OR56A3: variants seen among roughly 807,000 people sequenced by gnomAD.
The protein encoded by OR56A3 is olfactory receptor family 56 subfamily A member 3.
In OR56A3, 23 loss-of-function variants were observed where a neutral mutation model predicts 17.5. That is an observed-to-expected ratio of 1.32 (90% CI 0.95 to 1.87). The LOEUF (loss-of-function observed/expected upper bound fraction) is 1.87, where lower values mean the gene tolerates loss of function less well. OR56A3 is among the 40% of genes most tolerant of loss of function. The pLI, the probability that OR56A3 is intolerant of heterozygous loss-of-function variation, is 0.00. For missense variants in OR56A3, 366 were observed against 380.1 expected, an observed-to-expected ratio of 0.96 and a Z score of 0.31; for synonymous variants, 175 against 150.6, an observed-to-expected ratio of 1.16 and a Z score of -1.19.
the OR56A3 span, chr11:6,021,772 A>C: frequency 6.6e-6 from 1 of 152,158 alleles, no homozygotes; most frequent in Non-Finnish European, 1.5e-5. Context: ...GAAAACAATG[A>C]TCAGGAGAGT....
At chr11:6,017,589 C>T in the OR56A3 span, among the ~76,000 whole-genome samples, 1 of 152,098 alleles carries the variant, frequency 6.6e-6, no homozygotes, top group Non-Finnish European at 1.5e-5. Context: ...CTAGGTCCCA[C>T]CTCCAACACT....
the OR56A3 span, among the ~76,000 whole-genome samples, chr11:5,971,047 G>A: frequency 4.6e-5 from 7 of 152,222 alleles, no homozygotes; most frequent in Non-Finnish European, 5.9e-5. Context: ...ATAGCTGAAT[G>A]AGCTGTGGGC....
At chr11:5,978,817 G>A in the OR56A3 span, among the ~76,000 whole-genome samples, 2 of 152,134 alleles carry the variant, frequency 1.3e-5, no homozygotes, top group Non-Finnish European at 2.9e-5. Context: ...AGTGCTTCCA[G>A]CTTTTGCTCA....
At chr11:5,957,236 G>C in the OR56A3 span, among the ~76,000 whole-genome samples, 2 of 152,144 alleles carry the variant, frequency 1.3e-5, no homozygotes, top group African/African-American at 4.8e-5. Context: ...TTATGCACTG[G>C]AGTGTTTAAC....
At chr11:5,994,655 G>A in the OR56A3 span, 2 of 784,056 alleles carry the variant, frequency 2.6e-6, no homozygotes, top group Admixed American at 3.4e-5. Context: ...GGCCAGTTCT[G>A]TCTCATACTT....
chr11:5,998,818 A>G, the OR56A3 span, among the ~76,000 whole-genome samples: 1 of 152,234 alleles, frequency 6.6e-6, no homozygotes, highest in African/African-American at 2.4e-5. Flanking sequence ...GTCATGAATT[A>G]CGAAGATAAT....
the OR56A3 span, chr11:6,002,486 G>A: frequency 1.9e-6 from 3 of 1,614,118 alleles, no homozygotes; most frequent in Admixed American, 3.3e-5. Context: ...CACAGTATCT[G>A]AGCCTGGCAG....
At chr11:5,986,784 CA>C in the OR56A3 span, 8 of 1,613,998 alleles carry the variant, frequency 5.0e-6, no homozygotes, top group Non-Finnish European at 6.8e-6. Flanking sequence ...AAAGGATGCC[CA>C]GGGGCAGTGC....
chr11:5,990,764 G>C, the OR56A3 span, among the ~76,000 whole-genome samples: 1 of 152,176 alleles, frequency 6.6e-6, no homozygotes, highest in Non-Finnish European at 1.5e-5. Context: ...GGATAATAAA[G>C]TAAGCCTGGC....
Position 5,948,405 on chromosome 11 carries a change from T to A in OR56A3, c.*111T>A. The A allele has an allele frequency of 1.5e-6, 1 of 688,258 alleles. No individual in the cohort carries two copies. Among genetic ancestry groups the A allele is most frequent in the Non-Finnish European group, 2.5e-6 (1 of 405,794 alleles). 42.6% of individuals were successfully genotyped at this position (688,258 alleles called of 1,614,324 possible). A position where few individuals can be genotyped will look rare whatever the true frequency, so the allele number is the denominator to read the frequency against. On this transcript the variant is annotated 3_prime_UTR_variant, in exon 3 of 3. Coordinates refer to ENST00000641160, the MANE Select transcript of OR56A3 (RefSeq NM_001003443.3). ...ACTTATAACCTCAAACTGGGTACAC[T>A]AGATATTGTGTGTGCTTTTCAAAAA... is the stretch of plus-strand genomic sequence containing the variant.
At chr11:5,978,632 T>C in the OR56A3 span, among the ~76,000 whole-genome samples, 2 of 152,112 alleles carry the variant, frequency 1.3e-5, no homozygotes, top group African/African-American at 4.8e-5. Flanking sequence ...GTATGGGGTT[T>C]TCTGGATATA....
chr11:5,952,182 TG>T (rs1216744701), downstream of OR56A3, among the ~76,000 whole-genome samples: 10 of 152,102 alleles, frequency 6.6e-5, no homozygotes, highest in Admixed American at 3.9e-4. Context: ...CAGTAAAAAA[TG>T]TCAACAATTT....
chr11:6,002,857 T>G, the OR56A3 span: 45 of 1,613,622 alleles, frequency 2.8e-5, 1 homozygote, highest in African/African-American at 5.5e-4. Context: ...AGGAGGGTGG[T>G]GTTAGCTCCC....
the OR56A3 span, chr11:5,967,680 G>T: frequency 6.2e-7 from 1 of 1,613,790 alleles, no homozygotes; most frequent in South Asian, 1.1e-5. Context: ...GACATCCGGA[G>T]GAATTCTCTT....
downstream of OR56A3, among the ~76,000 whole-genome samples, chr11:5,951,534 A>G (rs1847908052): frequency 6.6e-6 from 1 of 152,156 alleles, no homozygotes; most frequent in Non-Finnish European, 1.5e-5. Flanking sequence ...TAAAATGTTG[A>G]AACTCAGATT....
chr11:5,999,192 C>T, the OR56A3 span, among the ~76,000 whole-genome samples: 2 of 151,990 alleles, frequency 1.3e-5, no homozygotes, highest in East Asian at 3.9e-4. Flanking sequence ...AAACTAGTGA[C>T]AAAAATAACT....
At chr11:6,016,724 C>A in the OR56A3 span, among the ~76,000 whole-genome samples, 7 of 149,946 alleles carry the variant, frequency 4.7e-5, no homozygotes, top group African/African-American at 1.7e-4. Context: ...TAAAGAAGTT[C>A]AGTGAGATAC....
At chr11:5,991,243 A>G in the OR56A3 span, among the ~76,000 whole-genome samples, 2 of 152,242 alleles carry the variant, frequency 1.3e-5, no homozygotes, top group East Asian at 1.9e-4. Context: ...GATGCCACCT[A>G]GGACCATGCC....
the OR56A3 span, among the ~76,000 whole-genome samples, chr11:5,961,722 A>T: frequency 1.3e-5 from 2 of 150,414 alleles, no homozygotes. Flanking sequence ...CCCCTCTCCG[A>T]GAAACACCCA....
Sources: gnomAD v4.1 joint callset for allele counts (sites outside exome capture counted in the v4.1 genomes callset) on GRCh38, gnomAD v4.1.1 for gene constraint, MANE v1.5 for transcripts, NCBI Gene and HGNC (gene_info 2026-07-23, HGNC 2026-07-21) for gene names.